Variants in ALPK1 observed in about 807,000 individuals in gnomAD.
ALPK1 encodes alpha-protein kinase 1.
In ALPK1, 110 loss-of-function variants were observed where a neutral mutation model predicts 120.6. The ratio of observed to expected loss-of-function variants is 0.91; its 90% CI spans 0.78 to 1.07. ALPK1 has a LOEUF of 1.07. ALPK1 is among the 50% of genes least tolerant of loss of function. ALPK1 has a pLI of 0.00. For missense variants in ALPK1, 1,498 were observed against 1,483.9 expected, an observed-to-expected ratio of 1.01 and a Z score of -0.16; for synonymous variants, 582 against 560.3, an observed-to-expected ratio of 1.04 and a Z score of -0.55.
rs1735077654 is a variant in ALPK1 at position 112,442,542 on chromosome 4, T to A, written c.*1332T>A. The A allele has an allele frequency of 2.6e-5, 4 of 151,438 alleles. No homozygotes were observed. The South Asian group carries it at 8.4e-4, about 32-fold the overall frequency. The allele number at this position is 151,438 out of a possible 1,614,324, so 9.4% of individuals were successfully genotyped here. On this transcript the variant is annotated 3_prime_UTR_variant, in exon 16 of 16. Coordinates refer to ENST00000650871, the MANE Select transcript of ALPK1 (RefSeq NM_025144.4). ...TAGGCTGAATACCTGGGTGATGAAG[T>A]AATTCGCACAACAAACCCCCATGAC... is the stretch of plus-strand genomic sequence containing the variant.
At chr4:112,384,471 A>T (rs1219071733) in intron 4 of ALPK1, 3 of 152,240 alleles carry the variant, frequency 2.0e-5, no homozygotes, top group African/African-American at 7.2e-5. Flanking sequence ...ATTTCTATGT[A>T]AATAGTCACA....
rs1729470849 is a variant in ALPK1, at chr4:112,333,405, G to C, written c.-101+17553G>C. On this transcript the variant is annotated intron_variant, in intron 2 of 15. Transcript: ENST00000650871. ...AGGACTATCCCTGGAACATAATTAG[G>C]AGTGATACGCTGCAGGGTTGAGTGA... Among the ~76,000 whole-genome samples the C allele has an allele frequency of 2.0e-5, 3 of 152,278 alleles. No homozygotes were observed. The East Asian group carries it at 5.8e-4, about 29-fold the overall frequency.
chr4:112,422,179 G>A (rs191265015), intron 5 of ALPK1, among the ~76,000 whole-genome samples: 2 of 152,252 alleles, frequency 1.3e-5, no homozygotes, highest in African/African-American at 2.4e-5. Context: ...AGAACGGCAC[G>A]CAATTTAAAA....
chr4:112,363,798 C>A (rs1239726537), intron 2 of ALPK1, among the ~76,000 whole-genome samples: 1 of 152,086 alleles, frequency 6.6e-6, no homozygotes, highest in Admixed American at 6.6e-5. Context: ...CAAGATAGGC[C>A]ATATGATAGG....
In ALPK1 at chr4:112,351,996, A is replaced by G. The variant is rs551330730; in HGVS notation, c.-100-25682A>G. ...CTTTTACTCACTTGTCCATCCAGCA[A>G]TTCCAAATCCTATTCCCTCTAGAAT... On this transcript the variant is annotated intron_variant, in intron 2 of 15. Transcript: ENST00000650871. Among the ~76,000 whole-genome samples the G allele has an allele frequency of 1.2e-4, 19 of 152,242 alleles. No individual in the cohort carries two copies. The South Asian group carries it at 3.7e-3, about 30-fold the overall frequency.
At chr4:112,411,183 T>C (rs1163071859) in intron 4 of ALPK1, 1 of 154,912 alleles carries the variant, frequency 6.5e-6, no homozygotes, top group Non-Finnish European at 1.5e-5. Context: ...AGATAAGGGA[T>C]GGGGAAACTA....
intron 4 of ALPK1, among the ~76,000 whole-genome samples, chr4:112,406,779 A>G (rs1733195733): frequency 1.3e-5 from 2 of 152,184 alleles, no homozygotes; most frequent in African/African-American, 4.8e-5. Context: ...AGATTATAAG[A>G]CCTGTACCTG....
chr4:112,357,645 C>T, intron 2 of ALPK1: 1 of 1,608,342 alleles, frequency 6.2e-7, no homozygotes, highest in Non-Finnish European at 8.5e-7. Context: ...TCGACAAGCA[C>T]CAGATCTGGG....
chr4:112,429,260 G>A lies in ALPK1; in HGVS notation c.900+7G>A, dbSNP rs761726268. On this transcript the variant is annotated splice_region_variant and intron_variant, in intron 10 of 15. Coordinates refer to ENST00000650871, the MANE Select transcript of ALPK1 (RefSeq NM_025144.4). Reference sequence around the variant, plus strand: ...CTTCGTGCTCACAGCTGTGGTAAACGAATGCAGCCGCTCCTCAAACCCCCA... The same window carrying A: ...CTTCGTGCTCACAGCTGTGGTAAACAAATGCAGCCGCTCCTCAAACCCCCA... 40 of 1,604,646 alleles carry A rather than the reference G, an allele frequency of 2.5e-5. 2 individuals carry two copies. The South Asian group carries it at 2.8e-4, about 11-fold the overall frequency.
At chr4:112,304,211 C>T (rs938419270) in intron 1 of ALPK1, among the ~76,000 whole-genome samples, 1 of 152,042 alleles carries the variant, frequency 6.6e-6, no homozygotes, top group African/African-American at 2.4e-5. Context: ...AATAAACATA[C>T]GTGTGCATGT....
intron 2 of ALPK1, among the ~76,000 whole-genome samples, chr4:112,372,212 T>C (rs1056140152): frequency 7.1e-6 from 1 of 141,680 alleles, no homozygotes; most frequent in African/African-American, 2.6e-5. Flanking sequence ...ACTTTCTTCC[T>C]TTTTTTTTTT....
chr4:112,410,396 G>A (rs1351414057), intron 4 of ALPK1, among the ~76,000 whole-genome samples: 7 of 152,084 alleles, frequency 4.6e-5, no homozygotes, highest in Admixed American at 3.3e-4. Context: ...ATAATAGAAC[G>A]TGCCTCTTAG....
chr4:112,338,254 C>T (rs1729710750), intron 2 of ALPK1, among the ~76,000 whole-genome samples: 2 of 152,230 alleles, frequency 1.3e-5, no homozygotes, highest in Non-Finnish European at 2.9e-5. Flanking sequence ...GCGTGAGCCA[C>T]CGCGCCCGGC....
intron 5 of ALPK1, among the ~76,000 whole-genome samples, chr4:112,413,568 G>A (rs983553288): frequency 2.4e-4 from 36 of 152,164 alleles, no homozygotes; most frequent in Admixed American, 1.2e-3. Context: ...TTAGGCATGC[G>A]CCACCACACC....
chr4:112,358,796 G>A (rs1031391433), intron 2 of ALPK1: 2 of 827,526 alleles, frequency 2.4e-6, no homozygotes, highest in African/African-American at 1.7e-5. Context: ...TGGTGGCCAT[G>A]AAGTAGGAGC....
chr4:112,370,198 A>T (rs1221838268), intron 2 of ALPK1, among the ~76,000 whole-genome samples: 1 of 152,224 alleles, frequency 6.6e-6, no homozygotes, highest in Admixed American at 6.5e-5. Flanking sequence ...TAACTAAGCC[A>T]CTCAACTAAA....
intron 5 of ALPK1, chr4:112,412,431 A>C: frequency 4.3e-6 from 2 of 461,130 alleles, no homozygotes; most frequent in South Asian, 3.1e-5. Flanking sequence ...CACTTGACTA[A>C]GCTGACAATA....
chr4:112,441,166 T>C, intron 15 of ALPK1, 37 bp from the exon 16 acceptor site: 2 of 1,613,496 alleles, frequency 1.2e-6, no homozygotes, highest in Non-Finnish European at 1.7e-6. Flanking sequence ...CTCAAATATC[T>C]GGTGATGCTC....
In ALPK1 at chr4:112,430,994, G is replaced by C; in HGVS notation, c.1447G>C (p.Asp483His). ...DCGNNKNEQK[D>H]AKTGVCITAL... ...TGGAAACAACAAAAATGAACAGAAA[G>C]ATGCAAAAACAGGAGTCTGCATCAC... The change falls in exon 11 of 16, where the codon GAT (aspartate) becomes CAT (histidine). Residue 483 changes from aspartate to histidine, a missense_variant. Asp to His is a moderately conservative substitution (Grantham distance 81). Transcript: ENST00000650871. 1 of 1,612,904 alleles carries C rather than the reference G, an allele frequency of 6.2e-7. No individual in the cohort carries two copies. The highest frequency in any genetic ancestry group is 8.5e-7 in the Non-Finnish European group (1 of 1,179,456).
Sources: allele counts gnomAD v4.1 joint callset (sites outside exome capture counted in the v4.1 genomes callset), GRCh38; gene constraint gnomAD v4.1.1; transcripts MANE v1.5; gene names NCBI Gene and HGNC (gene_info 2026-07-23, HGNC 2026-07-21).